ANKLE2: variants seen among roughly 807,000 people sequenced by gnomAD.
ANKLE2 encodes ankyrin repeat and LEM domain containing 2.
ANKLE2 carries 55 observed loss-of-function variants against 84.2 expected under a neutral mutation model. The observed-to-expected ratio is 0.65, with a 90% CI of 0.53 to 0.82. ANKLE2 has a LOEUF of 0.82. Ranked by LOEUF, ANKLE2 falls within the 40% of genes least tolerant of loss-of-function variation. ANKLE2 has a pLI of 0.00. For synonymous variants in ANKLE2, 551 were observed against 486.1 expected (o/e 1.13, Z -1.76); for missense variants, 1,238 against 1,201.9 (o/e 1.03, Z -0.44).
At position 132,743,454 on chromosome 12, in the gene ANKLE2, C is replaced by T. The variant is rs1023964091; in HGVS notation, c.1231-178G>A. On this transcript the variant is annotated intron_variant, in intron 5 of 12. Coordinates refer to ENST00000357997, the MANE Select transcript of ANKLE2 (RefSeq NM_015114.3). This position sits in a 1 kb window ranked among gnomAD's most constrained non-coding sequence, Gnocchi z 4.1. ...TCCCGGGTTTAACCGATTCTCCTGC[C>T]TCAGGCTCCCCAGTACCTGGGACTA... Among the ~76,000 whole-genome samples the T allele has an allele frequency of 6.6e-6, 1 of 152,088 alleles. No homozygotes were observed. The highest frequency in any genetic ancestry group is 1.9e-4 in the East Asian group (1 of 5,190).
chr12:132,751,176 A>C, intron 2 of ANKLE2: 2 of 187,232 alleles, frequency 1.1e-5, no homozygotes, highest in Admixed American at 5.9e-5. Context: ...AAAAACTATA[A>C]TTATGTCAGC....
chr12:132,741,053 C>A lies in ANKLE2; in HGVS notation c.1420+366G>T, dbSNP rs1485217420. Among the ~76,000 whole-genome samples the A allele has an allele frequency of 4.6e-5, 7 of 152,346 alleles. No homozygotes were observed. The East Asian group carries it at 1.3e-3, about 29-fold the overall frequency. The stretch of plus-strand genomic sequence containing the variant: ...GCTCTGGACCCTGCCTCTCCCTGAG[C>A]TGTTCTTTGCCAACTGCAGGCTCCA... On this transcript the variant is annotated intron_variant, in intron 7 of 12. Transcript: ENST00000357997.
At chr12:132,741,353 C>T in intron 7 of ANKLE2, 66 bp downstream of exon 7, 1 of 1,513,460 alleles carries the variant, frequency 6.6e-7, no homozygotes, top group Non-Finnish European at 9.2e-7. Context: ...TCTGCTGTGT[C>T]CCCCAACGCT....
At chr12:132,729,014 G>C (rs543219513) in intron 11 of ANKLE2, among the ~76,000 whole-genome samples, 32 of 152,108 alleles carry the variant, frequency 2.1e-4, no homozygotes, top group South Asian at 1.2e-3. Flanking sequence ...TCTAGAAGCT[G>C]GACTCAGAGA....
rs2043699587 is a variant in ANKLE2, at chr12:132,726,437, C to T, written c.*805G>A. 1 of 152,084 alleles carries T rather than the reference C, an allele frequency of 6.6e-6. No individual in the cohort carries two copies. Among genetic ancestry groups the T allele is most frequent in the Non-Finnish European group, 1.5e-5 (1 of 68,032 alleles). 9.4% of individuals were successfully genotyped at this position (152,084 alleles called of 1,614,324 possible). On this transcript the variant is annotated 3_prime_UTR_variant, in exon 13 of 13. Coordinates refer to ENST00000357997, the MANE Select transcript of ANKLE2 (RefSeq NM_015114.3). ...CAAAGCCTCAGGATAAATTTGAAAA[C>T]AGAACAATGTATAGACTGTATTACT...
At chr12:132,752,535 A>C (rs2044378915) in intron 2 of ANKLE2, among the ~76,000 whole-genome samples, 1 of 151,924 alleles carries the variant, frequency 6.6e-6, no homozygotes, top group Non-Finnish European at 1.5e-5. Flanking sequence ...ACACCCCGCT[A>C]ATTTTCTGTA....
At chr12:132,737,190 C>A in intron 7 of ANKLE2, 125 bp from the exon 8 acceptor site, 1 of 1,061,666 alleles carries the variant, frequency 9.4e-7, no homozygotes, top group South Asian at 1.7e-5. Flanking sequence ...ACAGACGGGG[C>A]AGAGGGTGGT....
At chr12:132,745,383 G>T in intron 5 of ANKLE2, 1 of 162,154 alleles carries the variant, frequency 6.2e-6, no homozygotes, top group South Asian at 1.7e-4. Context: ...TGGAGAGCTT[G>T]AGAGGAGGCT....
chr12:132,728,702 T>C (rs1395596701), intron 11 of ANKLE2, among the ~76,000 whole-genome samples: 1 of 152,116 alleles, frequency 6.6e-6, no homozygotes, highest in African/African-American at 2.4e-5. Flanking sequence ...CGCTGTTCTG[T>C]GATGAGAAGA....
chr12:132,752,438 G>C (rs895370569), intron 2 of ANKLE2, among the ~76,000 whole-genome samples: 2 of 152,258 alleles, frequency 1.3e-5, no homozygotes, highest in African/African-American at 2.4e-5. Flanking sequence ...ATCTAGCTCT[G>C]TCGCTCAGGC....
rs1236529003 is a variant in ANKLE2, at chr12:132,761,799, C to G, written c.-1G>C. The G allele has an allele frequency of 1.8e-6, 2 of 1,082,572 alleles. No individual in the cohort carries two copies. The highest frequency in any genetic ancestry group is 1.2e-4 in the East Asian group (2 of 16,486). 67.1% of individuals were successfully genotyped at this position (1,082,572 alleles called of 1,614,324 possible). On this transcript the variant is annotated 5_prime_UTR_variant, in exon 1 of 13. Transcript: ENST00000357997. ...CCGCCGCCAGCCGCGGCCACAGCAT[C>G]GCCGCCGCCCGGGCCGCAGCCGCCG...
chr12:132,741,339 A>G, intron 7 of ANKLE2, 80 bp downstream of exon 7: 1 of 1,428,234 alleles, frequency 7.0e-7, no homozygotes, highest in South Asian at 1.2e-5. Flanking sequence ...CAGGAAAGCA[A>G]AGCTCTGCTG....
chr12:132,737,234 G>T, intron 7 of ANKLE2, 169 bp from the exon 8 acceptor site: 1 of 582,700 alleles, frequency 1.7e-6, no homozygotes, highest in Non-Finnish European at 2.8e-6. Context: ...AATGCAAATG[G>T]ATACAATGGA....
chr12:132,759,248 CT>C lies in ANKLE2; in HGVS notation c.181+2369del, dbSNP rs1225177458. On this transcript the variant is annotated intron_variant, in intron 1 of 12. Coordinates refer to ENST00000357997, the MANE Select transcript of ANKLE2 (RefSeq NM_015114.3). The stretch of plus-strand genomic sequence containing the variant: ...GGCACCCACGTGGCAGAGAGGATCG[CT>C]GCGGAGTGGCACCCCGGGGTATCAG... 7 of 132,280 alleles carry C rather than the reference CT, an allele frequency of 5.3e-5. 1 individual carries two copies. The highest frequency in any genetic ancestry group is 2.5e-4 in the East Asian group (1 of 4,010). The allele number at this position is 132,280 out of a possible 1,614,324, so 8.2% of individuals were successfully genotyped here.
rs117996822 is a variant in ANKLE2, at chr12:132,752,673, C to T, written c.641-1824G>A. Among the ~76,000 whole-genome samples, 89 of 152,184 alleles carry T rather than the reference C, an allele frequency of 5.8e-4. 1 individual carries two copies. The East Asian group carries it at 8.9e-3, about 15-fold the overall frequency. Reference sequence around the variant, plus strand: ...CGTGAGCCACCGCGCCCGGCCCCTACGTATTCTTTAAAAAGATCTTACAGA... The same window carrying T: ...CGTGAGCCACCGCGCCCGGCCCCTATGTATTCTTTAAAAAGATCTTACAGA... On this transcript the variant is annotated intron_variant, in intron 2 of 12. Transcript: ENST00000357997.
chr12:132,731,585 C>T (rs1041781209), intron 10 of ANKLE2: 3 of 152,000 alleles, frequency 2.0e-5, no homozygotes, highest in African/African-American at 7.3e-5. Flanking sequence ...TTAGCAGATT[C>T]GAATCTCTAG....
intron 3 of ANKLE2, among the ~76,000 whole-genome samples, chr12:132,749,318 G>C (rs1428907860): frequency 6.6e-6 from 1 of 151,836 alleles, no homozygotes; most frequent in African/African-American, 2.4e-5. Flanking sequence ...ACCACGGCCA[G>C]CTAATTTTCG....
At chr12:132,751,141 AATT>A (rs748990338) in intron 2 of ANKLE2, 108 of 252,492 alleles carry the variant, frequency 4.3e-4, no homozygotes, top group Non-Finnish European at 1.2e-4. Context: ...TCTAAATAAA[AATT>A]ATTAAAAGGC....
intron 8 of ANKLE2, 66 bp downstream of exon 8, chr12:132,736,827 G>A (rs1385982704): frequency 3.3e-6 from 5 of 1,505,856 alleles, no homozygotes; most frequent in Non-Finnish European, 4.5e-6. Context: ...CAACAGGCTG[G>A]AACACCCAGC....
Sources: allele counts gnomAD v4.1 joint callset (sites outside exome capture counted in the v4.1 genomes callset), GRCh38; gene constraint gnomAD v4.1.1; non-coding constraint Gnocchi (gnomAD v3.1); transcripts MANE v1.5; gene names NCBI Gene and HGNC (gene_info 2026-07-23, HGNC 2026-07-21).